Variants in ADAM18 observed in about 807,000 individuals in gnomAD.
ADAM18 encodes ADAM metallopeptidase domain 18, also known as disintegrin and metalloproteinase domain-containing protein 18.
In ADAM18, 117 loss-of-function variants were observed where a neutral mutation model predicts 94.4. The ratio of observed to expected loss-of-function variants is 1.24; its 90% CI spans 1.07 to 1.45. The LOEUF (loss-of-function observed/expected upper bound fraction) is 1.45. Among genes scored for constraint, ADAM18 ranks in the 40% most tolerant of loss-of-function variants. The pLI, the probability that ADAM18 is intolerant of heterozygous loss-of-function variation, is 0.00. For missense variants in ADAM18, 936 were observed against 880.0 expected (o/e 1.06, Z -0.81); for synonymous variants, 327 against 291.6 (o/e 1.12, Z -1.24).
intron 19 of ADAM18, 146 bp downstream of exon 19, chr8:39,724,053 T>C: frequency 1.6e-6 from 1 of 626,348 alleles, no homozygotes; most frequent in South Asian, 5.5e-5. Context: ...ATTTTGTGTT[T>C]CAATAATTTG....
Position 39,707,550 on chromosome 8 carries a change from C to T in ADAM18, c.2017+646C>T, listed in dbSNP as rs985883558. 1.2e-4 allele frequency among the ~76,000 whole-genome samples: 19 copies of T among 152,176 alleles called. 1 individual carries two copies. The highest frequency in any genetic ancestry group is 3.1e-4 in the African/African-American group (13 of 41,536). On this transcript the variant is annotated intron_variant, in intron 18 of 19. Transcript: ENST00000265707. ...GTAGTTTGAGATACATCTGCAAAAC[C>T]GGTGCAGATTTCTTTCTCCTTCTTT...
At chr8:39,586,979 G>A (rs1351030727) in intron 2 of ADAM18, among the ~76,000 whole-genome samples, 1 of 152,008 alleles carries the variant, frequency 6.6e-6, no homozygotes, top group Non-Finnish European at 1.5e-5. Context: ...TTCATTCGTT[G>A]TCTACACTTT....
chr8:39,610,719 A>G lies in ADAM18; in HGVS notation c.522+13A>G, dbSNP rs1233258406. 1 of 1,610,550 alleles carries G rather than the reference A, an allele frequency of 6.2e-7. No homozygotes were observed. The highest frequency in any genetic ancestry group is 2.2e-5 in the East Asian group (1 of 44,666). On this transcript the variant is annotated intron_variant, in intron 6 of 19. Coordinates refer to ENST00000265707, the MANE Select transcript of ADAM18 (RefSeq NM_014237.3). ...TTTAAACTCACAGGTGACTGTCATC[A>G]TTCTGATGTTATGACATACTAGAAC...
At chr8:39,624,715 T>C (rs1819714094) in intron 6 of ADAM18, among the ~76,000 whole-genome samples, 1 of 152,200 alleles carries the variant, frequency 6.6e-6, no homozygotes, top group Non-Finnish European at 1.5e-5. Flanking sequence ...AGGTGGTTTC[T>C]CATGGCTTAA....
intron 7 of ADAM18, among the ~76,000 whole-genome samples, 200 bp downstream of exon 7, chr8:39,629,639 A>T (rs1585916177): frequency 4.2e-5 from 5 of 118,304 alleles, no homozygotes; most frequent in South Asian, 2.6e-4. Context: ...CCCCTCCTTC[A>T]CTCACTCCCT....
chr8:39,707,053 G>A, intron 18 of ADAM18, 149 bp downstream of exon 18: 1 of 552,272 alleles, frequency 1.8e-6, no homozygotes. Flanking sequence ...AACCCTCAGT[G>A]GATGCCTGAA....
chr8:39,655,028 C>A (rs1820647460), intron 12 of ADAM18, among the ~76,000 whole-genome samples: 1 of 151,982 alleles, frequency 6.6e-6, no homozygotes, highest in Non-Finnish European at 1.5e-5. Flanking sequence ...TGTACAGAAG[C>A]TTTTTAGCTT....
At chr8:39,637,162 C>T (rs994866546) in intron 7 of ADAM18, 102 bp from the exon 8 acceptor site, 4 of 844,262 alleles carry the variant, frequency 4.7e-6, no homozygotes, top group African/African-American at 3.5e-5. Flanking sequence ...TACTTTAAAA[C>T]AGCTCTAGAT....
intron 15 of ADAM18, among the ~76,000 whole-genome samples, chr8:39,678,386 T>C (rs949094218): frequency 1.3e-5 from 2 of 152,150 alleles, no homozygotes; most frequent in African/African-American, 2.4e-5. Flanking sequence ...CCCTCCTCCA[T>C]ATGTGAAATT....
At chr8:39,690,072 T>C (rs1428688195) in intron 16 of ADAM18, among the ~76,000 whole-genome samples, 1 of 152,232 alleles carries the variant, frequency 6.6e-6, no homozygotes, top group Non-Finnish European at 1.5e-5. Context: ...TTCGGAGACT[T>C]TGCTGAAGTT....
intron 1 of ADAM18, among the ~76,000 whole-genome samples, chr8:39,584,960 G>T (rs1818354933): frequency 6.6e-6 from 1 of 152,178 alleles, no homozygotes; most frequent in Non-Finnish European, 1.5e-5. Context: ...GGTGGAGGTG[G>T]TGGAGTACTA....
chr8:39,643,556 A>G (rs1481027188), intron 10 of ADAM18, among the ~76,000 whole-genome samples: 2 of 152,146 alleles, frequency 1.3e-5, no homozygotes, highest in Non-Finnish European at 2.9e-5. Flanking sequence ...CACTTGATCA[A>G]CAGAAATGTA....
At chr8:39,711,972 A>T (rs1020680519) in intron 18 of ADAM18, among the ~76,000 whole-genome samples, 2 of 152,120 alleles carry the variant, frequency 1.3e-5, no homozygotes, top group Non-Finnish European at 2.9e-5. Context: ...AGCACTAAAA[A>T]ATATTAAAAA....
At chr8:39,670,155 TG>T (rs1821114649) in intron 14 of ADAM18, among the ~76,000 whole-genome samples, 1 of 152,216 alleles carries the variant, frequency 6.6e-6, no homozygotes, top group Non-Finnish European at 1.5e-5. Flanking sequence ...CACTTTTTGA[TG>T]GGGTTGTTTG....
At chr8:39,702,466 T>C (rs1585996603) in intron 17 of ADAM18, among the ~76,000 whole-genome samples, 1 of 152,216 alleles carries the variant, frequency 6.6e-6, no homozygotes, top group East Asian at 1.9e-4. Context: ...ATAGCTTCTT[T>C]TGCTGTATGG....
chr8:39,590,621 G>A (rs1818544513), intron 2 of ADAM18, among the ~76,000 whole-genome samples: 1 of 152,072 alleles, frequency 6.6e-6, no homozygotes, highest in African/African-American at 2.4e-5. Context: ...TAAAATGAAT[G>A]CTATCATTCC....
chr8:39,681,136 A>G (rs1455028721), intron 16 of ADAM18, among the ~76,000 whole-genome samples: 3 of 152,238 alleles, frequency 2.0e-5, no homozygotes, highest in African/African-American at 7.2e-5. Flanking sequence ...GGCTAGAGAC[A>G]AGAAAGAAGA....
chr8:39,688,384 C>T (rs769677973), intron 16 of ADAM18, among the ~76,000 whole-genome samples: 1 of 152,158 alleles, frequency 6.6e-6, no homozygotes, highest in African/African-American at 2.4e-5. Context: ...TCCCTCCTCC[C>T]AGCCTCCACC....
rs577387443 is a variant in ADAM18 at position 39,584,748 on chromosome 8, T to C, written c.55+71T>C. The C allele has an allele frequency of 1.8e-5, 28 of 1,547,162 alleles. No homozygotes were observed. In the African/African-American group the frequency reaches 3.7e-4, roughly 20 times the overall value. ...GGCTGGGCTCTTACTGGGAGCAGTT[T>C]CTTGTCATTCTGGGACCCTCCCCCT... On this transcript the variant is annotated intron_variant, in intron 1 of 19. Transcript: ENST00000265707.
Sources: gnomAD v4.1 joint callset for allele counts (sites outside exome capture counted in the v4.1 genomes callset) on GRCh38, gnomAD v4.1.1 for gene constraint, MANE v1.5 for transcripts, NCBI Gene and HGNC (gene_info 2026-07-23, HGNC 2026-07-21) for gene names.